TTYH3: variants seen among roughly 807,000 people sequenced by gnomAD.
TTYH3 encodes tweety family member 3, also known as protein tweety homolog 3.
A neutral mutation model predicts 68.2 loss-of-function variants in TTYH3; 23 were observed. That is an observed-to-expected ratio of 0.34 (90% CI 0.24 to 0.48). The LOEUF (loss-of-function observed/expected upper bound fraction) is 0.48. Ranked by LOEUF, TTYH3 falls within the 20% of genes least tolerant of loss-of-function variation. TTYH3 has a pLI of 0.99. For missense variants in TTYH3, 768 were observed against 727.7 expected (o/e 1.06, Z -0.64); for synonymous variants, 360 against 332.8 (o/e 1.08, Z -0.89).
intron 10 of TTYH3, 72 bp from the exon 11 acceptor site, chr7:2,656,326 G>C: frequency 6.3e-7 from 1 of 1,579,470 alleles, no homozygotes; most frequent in South Asian, 1.1e-5. Context: ...GCCGTGGCTG[G>C]GCTGAAGGTC....
intron 5 of TTYH3, among the ~76,000 whole-genome samples, chr7:2,648,901 G>A: frequency 6.6e-6 from 1 of 151,660 alleles, no homozygotes; most frequent in Non-Finnish European, 1.5e-5. Context: ...GGGGTGTGCA[G>A]GCCTGCAGTG....
chr7:2,654,041 T>C (rs1786265437), intron 9 of TTYH3, among the ~76,000 whole-genome samples: 1 of 152,062 alleles, frequency 6.6e-6, no homozygotes, highest in African/African-American at 2.4e-5. Flanking sequence ...CAGACTCCAT[T>C]TGGGAGCAGC....
At chr7:2,657,732 A>T (rs1786377539) in intron 11 of TTYH3, among the ~76,000 whole-genome samples, 1 of 152,246 alleles carries the variant, frequency 6.6e-6, no homozygotes, top group South Asian at 2.1e-4. Flanking sequence ...GCCCCTGCGC[A>T]GCCAAAAGCT....
At position 2,663,722 on chromosome 7, in the gene TTYH3, C is replaced by G. The variant is rs1039584557; in HGVS notation, c.*1983C>G. The G allele has an allele frequency of 1.3e-5, 2 of 152,722 alleles. No homozygotes were observed. The highest frequency in any genetic ancestry group is 4.8e-5 in the African/African-American group (2 of 41,458). The allele number at this position is 152,722 out of a possible 1,614,324, so 9.5% of individuals were successfully genotyped here. A position where few individuals can be genotyped will look rare whatever the true frequency, so the allele number is the denominator to read the frequency against. ...CAGAAGCACAAATGCTGTCCATGGC[C>G]GTGAGGCTGCCTGCCAGGTGAATGG... On this transcript the variant is annotated 3_prime_UTR_variant, in exon 14 of 14. Transcript: ENST00000258796.
Position 2,664,520 on chromosome 7 carries a change from C to T in TTYH3, c.*2781C>T, listed in dbSNP as rs763743009. On this transcript the variant is annotated 3_prime_UTR_variant, in exon 14 of 14. Transcript: ENST00000258796. Reference sequence around the variant, plus strand: ...CTTAAGACTCAGCCTCCTGGTTTACCCCCCCGGCCTGGGCATCTGACCTCC... The same window carrying T: ...CTTAAGACTCAGCCTCCTGGTTTACTCCCCCGGCCTGGGCATCTGACCTCC... 6.6e-6 allele frequency: 1 copy of T among 150,668 alleles called. No homozygotes were observed. The highest frequency in any genetic ancestry group is 2.4e-5 in the African/African-American group (1 of 40,822). The allele number at this position is 150,668 out of a possible 1,614,324, so 9.3% of individuals were successfully genotyped here.
rs760336852 is a variant in TTYH3 at position 2,646,839 on chromosome 7, C to T, written c.124-14C>T. ...GGGTCCACCCCTCCAGCGCCGCTTC[C>T]TGCCTGCCCTCAGGCCCTGCTGCTC... On this transcript the variant is annotated splice_polypyrimidine_tract_variant and intron_variant, in intron 1 of 13. Coordinates refer to ENST00000258796, the MANE Select transcript of TTYH3 (RefSeq NM_025250.3). 1.3e-6 allele frequency: 2 copies of T among 1,590,930 alleles called. No individual in the cohort carries two copies.
chr7:2,651,225 G>A (rs950686967), intron 7 of TTYH3, among the ~76,000 whole-genome samples: 2 of 152,160 alleles, frequency 1.3e-5, no homozygotes, highest in Non-Finnish European at 2.9e-5. Context: ...CTGTGGGGGT[G>A]AGGGTTACTG....
At chr7:2,656,015 T>G in intron 9 of TTYH3, 77 bp from the exon 10 acceptor site, 1 of 1,206,486 alleles carries the variant, frequency 8.3e-7, no homozygotes, top group Non-Finnish European at 1.2e-6. Flanking sequence ...ACCTGGGGGC[T>G]TCCCAGATGG....
At chr7:2,642,537 CAAAAAAAAAA>C (rs34165282) in intron 1 of TTYH3, among the ~76,000 whole-genome samples, 4 of 57,542 alleles carry the variant, frequency 7.0e-5, no homozygotes, top group African/African-American at 1.8e-4. Flanking sequence ...GACTCTGTCT[CAAAAAAAAAA>C]AAAAAAAAAA....
At chr7:2,655,572 A>G (rs1786309758) in intron 9 of TTYH3, among the ~76,000 whole-genome samples, 1 of 152,244 alleles carries the variant, frequency 6.6e-6, no homozygotes, top group Non-Finnish European at 1.5e-5. Context: ...CCGTTTCTCC[A>G]GGCATGAGAC....
Position 2,662,942 on chromosome 7 carries a change from G to A in TTYH3, c.*1203G>A, listed in dbSNP as rs1220992389. On this transcript the variant is annotated 3_prime_UTR_variant, in exon 14 of 14. Coordinates refer to ENST00000258796, the MANE Select transcript of TTYH3 (RefSeq NM_025250.3). ...CCCCAGGCAGGTGCTGCCCCAGGAGGACTGTCCTCGGGAATGAACCTCCCG... is the reference window on the plus strand; with the variant it reads ...CCCCAGGCAGGTGCTGCCCCAGGAGAACTGTCCTCGGGAATGAACCTCCCG... 1 of 152,314 alleles carries A rather than the reference G, an allele frequency of 6.6e-6. No homozygotes were observed. The highest frequency in any genetic ancestry group is 2.4e-5 in the African/African-American group (1 of 41,464). 9.4% of individuals were successfully genotyped at this position (152,314 alleles called of 1,614,324 possible).
chr7:2,658,863 A>G, intron 12 of TTYH3, 77 bp from the exon 13 acceptor site: 1 of 1,426,268 alleles, frequency 7.0e-7, no homozygotes, highest in Non-Finnish European at 9.8e-7. Context: ...CAGCGGGCCT[A>G]CCCATGGGCC....
At chr7:2,634,287 C>T (rs1371149055) in intron 1 of TTYH3, among the ~76,000 whole-genome samples, 2 of 152,186 alleles carry the variant, frequency 1.3e-5, no homozygotes, top group East Asian at 3.9e-4. Flanking sequence ...CCTTCATTGC[C>T]TCATCCTGAA....
intron 13 of TTYH3, among the ~76,000 whole-genome samples, chr7:2,660,775 C>A (rs2115000811): frequency 6.6e-6 from 1 of 152,238 alleles, no homozygotes; most frequent in East Asian, 1.9e-4. Context: ...GGTTCTGAAG[C>A]CCTCCTGGGA....
intron 7 of TTYH3, among the ~76,000 whole-genome samples, chr7:2,651,280 G>A (rs1196763408): frequency 6.6e-6 from 1 of 152,178 alleles, no homozygotes; most frequent in Non-Finnish European, 1.5e-5. Flanking sequence ...GTCCCTGGAG[G>A]CCACAGGATT....
chr7:2,642,598 T>C (rs13226070), intron 1 of TTYH3, among the ~76,000 whole-genome samples: 38,010 of 148,888 alleles, frequency 0.26, 5,053 homozygotes, highest in African/African-American at 0.32. Context: ...CGTGGTGATA[T>C]GTGCCTGTGG....
chr7:2,652,945 G>A lies in TTYH3; in HGVS notation c.955G>A (p.Val319Met), dbSNP rs1234337409. Residue 319 changes from valine to methionine, a missense_variant, in exon 9 of 14, where the codon GTG (valine) becomes ATG (methionine). Physicochemically the swap from Val to Met is conservative, Grantham distance 21. Transcript: ENST00000258796. ...GCTGTCGGGCAGCCACAAGGCACTGGTGGAGATGCAGGATGTCGTGGCTGA... is the reference window on the plus strand; with the variant it reads ...GCTGTCGGGCAGCCACAAGGCACTGATGGAGATGCAGGATGTCGTGGCTGA... ...QKLSGSHKAL[V>M]EMQDVVAELL... 2 of 1,576,026 alleles carry A rather than the reference G, an allele frequency of 1.3e-6. No homozygotes were observed. Among genetic ancestry groups the A allele is most frequent in the Non-Finnish European group, 1.7e-6 (2 of 1,161,124 alleles).
At position 2,652,105 on chromosome 7, in the gene TTYH3, T is replaced by A. The variant is rs565762197; in HGVS notation, c.872-82T>A. 8.2e-6 allele frequency: 10 copies of A among 1,217,510 alleles called. No individual in the cohort carries two copies. In the South Asian group the frequency reaches 1.1e-4, roughly 13 times the overall value. 75.4% of individuals were successfully genotyped at this position (1,217,510 alleles called of 1,614,324 possible). A position where few individuals can be genotyped will look rare whatever the true frequency, so the allele number is the denominator to read the frequency against. On this transcript the variant is annotated intron_variant, in intron 7 of 13. Transcript: ENST00000258796. ...CATGCACGCAGATGCCCTGAAGATA[T>A]GCGTGCAGACACAGGCAGACGTGCA... is the stretch of plus-strand genomic sequence containing the variant.
chr7:2,647,933 T>C, intron 4 of TTYH3, 26 bp from the exon 5 acceptor site: 1 of 1,603,076 alleles, frequency 6.2e-7, no homozygotes. Flanking sequence ...CCCTGTGCCC[T>C]GGCGCACTCC....
Sources: gnomAD v4.1 joint callset for allele counts (sites outside exome capture counted in the v4.1 genomes callset) on GRCh38, gnomAD v4.1.1 for gene constraint, MANE v1.5 for transcripts, NCBI Gene and HGNC (gene_info 2026-07-23, HGNC 2026-07-21) for gene names.